The following NUP214 variants were observed in gnomAD, a reference collection of about 807,000 sequenced individuals.
The protein encoded by NUP214 is nucleoporin 214.
In NUP214, 79 loss-of-function variants were observed where a neutral mutation model predicts 196.2. The observed-to-expected ratio is 0.40, with a 90% CI of 0.34 to 0.49. The LOEUF (loss-of-function observed/expected upper bound fraction) is 0.49. NUP214 is among the 20% of genes least tolerant of loss of function. The pLI, the probability that NUP214 is intolerant of heterozygous loss-of-function variation, is 0.58. For missense variants in NUP214, 2,468 were observed against 2,539.0 expected (o/e 0.97, Z 0.60); for synonymous variants, 1,020 against 990.5 (o/e 1.03, Z -0.56).
At chr9:131,129,193 G>C in intron 3 of NUP214, 86 bp from the exon 4 acceptor site, 1 of 1,095,634 alleles carries the variant, frequency 9.1e-7, no homozygotes, top group South Asian at 1.4e-5. Context: ...GATACCTTGT[G>C]TATTCAGTAA....
intron 19 of NUP214, 109 bp from the exon 20 acceptor site, chr9:131,163,761 T>C: frequency 1.3e-6 from 1 of 751,706 alleles, no homozygotes; most frequent in Non-Finnish European, 2.3e-6. Context: ...GTTTATATAT[T>C]GGGGATATTC....
chr9:131,230,082 G>T (rs950861217), intron 33 of NUP214: 17 of 221,716 alleles, frequency 7.7e-5, no homozygotes, highest in African/African-American at 4.0e-4. Context: ...GGGCACAGGG[G>T]ATTGTCTCCA....
chr9:131,223,757 C>T (rs1439005008), intron 32 of NUP214, among the ~76,000 whole-genome samples: 4 of 3,082 alleles, frequency 1.3e-3, no homozygotes, highest in East Asian at 0.019. Flanking sequence ...TTTTTTGAGA[C>T]GGAGTCTCGC....
intron 21 of NUP214, among the ~76,000 whole-genome samples, chr9:131,166,330 A>G (rs901339455): frequency 3.9e-5 from 6 of 152,194 alleles, no homozygotes; most frequent in African/African-American, 1.4e-4. Context: ...AGCCCACATC[A>G]GATTATATAT....
chr9:131,182,149 T>C (rs112505050), intron 24 of NUP214, among the ~76,000 whole-genome samples: 6,172 of 152,358 alleles, frequency 0.041, 167 homozygotes, highest in African/African-American at 0.078. Context: ...TTAGTATCAC[T>C]GAACTACATG....
intron 30 of NUP214, among the ~76,000 whole-genome samples, chr9:131,202,386 TACACAC>T (rs139696944): frequency 1.3e-5 from 2 of 151,258 alleles, no homozygotes; most frequent in Non-Finnish European, 3.0e-5. Context: ...TATATGTGTG[TACACAC>T]ACACACACAC....
At chr9:131,184,030 T>C (rs1461592466) in intron 24 of NUP214, among the ~76,000 whole-genome samples, 23 of 136,796 alleles carry the variant, frequency 1.7e-4, no homozygotes, top group Admixed American at 7.2e-4. Flanking sequence ...CTTTTTCTTT[T>C]TTTTTTTTTT....
chr9:131,151,226 A>G (rs893298563), intron 16 of NUP214, among the ~76,000 whole-genome samples: 1 of 152,242 alleles, frequency 6.6e-6, no homozygotes, highest in East Asian at 1.9e-4. Context: ...TGTGCCAGGC[A>G]CTGTGCCAAA....
intron 24 of NUP214, 41 bp downstream of exon 24, chr9:131,178,451 C>G (rs1288001653): frequency 9.6e-6 from 14 of 1,452,246 alleles, no homozygotes; most frequent in East Asian, 4.6e-5. Context: ...CTGGCTGCTT[C>G]TGTAGTAGCG....
Position 131,187,387 on chromosome 9 carries a change from T to A in NUP214, c.3495+23T>A, listed in dbSNP as rs201472753. 1.0e-3 allele frequency: 1,420 copies of A among 1,392,516 alleles called. 9 individuals carry two copies. The African/African-American group carries it at 0.019, about 18-fold the overall frequency. 86.3% of individuals were successfully genotyped at this position (1,392,516 alleles called of 1,614,324 possible). ...CAGGTAACTTACTGATTTTTACTTT[T>A]TTTTTTTTTTTTTTTTTGAGACAGA... On this transcript the variant is annotated intron_variant, in intron 25 of 35. Coordinates refer to ENST00000359428, the MANE Select transcript of NUP214 (RefSeq NM_005085.4).
In NUP214 at chr9:131,225,969, C is replaced by A. The variant is rs117265268; in HGVS notation, c.5903-2191C>A. ...GCCCACCATGGTCAGTGGTCTACAC[C>A]CTGCTGTCTCGCTAAAGTGTTAGAT... On this transcript the variant is annotated intron_variant, in intron 32 of 35. Transcript: ENST00000359428. 1.7e-3 allele frequency among the ~76,000 whole-genome samples: 259 copies of A among 152,260 alleles called. 1 individual carries two copies. The highest frequency in any genetic ancestry group is 3.1e-3 in the Non-Finnish European group (209 of 68,014).
chr9:131,196,219 C>T (rs532018378), intron 28 of NUP214, among the ~76,000 whole-genome samples: 7 of 151,794 alleles, frequency 4.6e-5, no homozygotes, highest in African/African-American at 7.3e-5. Context: ...AGTGTAATGG[C>T]GCAATTGCAG....
Position 131,174,257 on chromosome 9 carries a change from A to T in NUP214, c.3096A>T (p.Ala1032=). ...PSIQPSLLPH[A]APFAKSHLVH... is the part of the protein sequence containing the mutation. ...TCCAGCCCAGTCTCTTGCCCCATGC[A>T]GCACCTTTTGCTAAATCTCACCTGG... Residue 1032 remains alanine (A), a synonymous_variant, in exon 22 of 36, where the codon GCA becomes GCT. Transcript: ENST00000359428. 1 of 1,613,992 alleles carries T rather than the reference A, an allele frequency of 6.2e-7. No homozygotes were observed. Among genetic ancestry groups the T allele is most frequent in the Non-Finnish European group, 8.5e-7 (1 of 1,179,974 alleles).
In NUP214 at chr9:131,128,388, T is replaced by A; in HGVS notation, c.298T>A (p.Leu100Met). ...GAAATTCCCAATCCATCACCTGGCC[T>A]TGAGCTGTGATAACCTCACACTCTC... ...PMKFPIHHLA[L>M]SCDNLTLSAC... The change falls in exon 3 of 36, where the codon TTG (leucine) becomes ATG (methionine). Residue 100 changes from leucine (L) to methionine (M), a missense_variant. By Grantham distance (15) the Leu-to-Met change is conservative. Around this residue, in one of 5 missense-constraint regions of NUP214, gnomAD observed 392 missense variants for 417.9 expected, o/e 0.94. Transcript: ENST00000359428. 6.2e-7 allele frequency: 1 copy of A among 1,613,664 alleles called. No individual in the cohort carries two copies. The highest frequency in any genetic ancestry group is 8.5e-7 in the Non-Finnish European group (1 of 1,179,614).
In NUP214 at chr9:131,204,807, C is replaced by T. The variant is rs991399074; in HGVS notation, c.5592+3090C>T. On this transcript the variant is annotated intron_variant, in intron 30 of 35. Coordinates refer to ENST00000359428, the MANE Select transcript of NUP214 (RefSeq NM_005085.4). ...ATTCAGAAGCCCAACAAGTGCCAAA[C>T]GAGAATGCATAAAAGGAAACTGATT... is the stretch of plus-strand genomic sequence containing the variant. Among the ~76,000 whole-genome samples the T allele has an allele frequency of 2.6e-5, 4 of 152,230 alleles. No individual in the cohort carries two copies. In the East Asian group the frequency reaches 5.8e-4, roughly 22 times the overall value.
rs1379744363 is a variant in NUP214, at chr9:131,132,578, C to T, written c.664-18C>T. The stretch of plus-strand genomic sequence containing the variant: ...TGTTTCATTTGATACTTTATTTTCC[C>T]CTCCAAATCTCTTTCAGACTTTGCA... On this transcript the variant is annotated intron_variant, in intron 5 of 35. Transcript: ENST00000359428. 1.9e-6 allele frequency: 3 copies of T among 1,608,332 alleles called. No individual in the cohort carries two copies. The highest frequency in any genetic ancestry group is 1.7e-5 in the Admixed American group (1 of 59,944).
chr9:131,233,852 A>G lies in NUP214; in HGVS notation c.*365A>G. 2.5e-6 allele frequency: 1 copy of G among 405,102 alleles called. No individual in the cohort carries two copies. Among genetic ancestry groups the G allele is most frequent in the South Asian group, 2.4e-5 (1 of 40,828 alleles). 25.1% of individuals were successfully genotyped at this position (405,102 alleles called of 1,614,324 possible). On this transcript the variant is annotated 3_prime_UTR_variant, in exon 36 of 36. Transcript: ENST00000359428. ...CCAGCGTCGGGTGTTGATAAACAGCATCGAATGTGCCGTGGTCTCACTTGG... is the reference window on the plus strand; with the variant it reads ...CCAGCGTCGGGTGTTGATAAACAGCGTCGAATGTGCCGTGGTCTCACTTGG...
chr9:131,136,808 G>A (rs1831741392), intron 9 of NUP214: 1 of 152,232 alleles, frequency 6.6e-6, no homozygotes, highest in Admixed American at 6.5e-5. Context: ...TCCACTTGTA[G>A]ATTTTGCAGA....
Position 131,174,173 on chromosome 9 carries a change from A to G in NUP214, c.3012A>G (p.Lys1004=). 2 of 1,613,890 alleles carry G rather than the reference A, an allele frequency of 1.2e-6. No homozygotes were observed. The highest frequency in any genetic ancestry group is 1.7e-6 in the Non-Finnish European group (2 of 1,179,950). ...LESEDARTSC[K]DDEAVVQAPR... is the part of the protein sequence containing the mutation. ...GTGAAGATGCACGGACGTCCTGTAA[A>G]GATGACGAGGCAGTGGTTCAGGCCC... The change falls in exon 22 of 36, where the codon AAA becomes AAG. Residue 1004 remains lysine, a synonymous_variant. Transcript: ENST00000359428.
Sources: allele counts gnomAD v4.1 joint callset (sites outside exome capture counted in the v4.1 genomes callset), GRCh38; gene constraint gnomAD v4.1.1; regional missense constraint gnomAD v4.1.1; transcripts MANE v1.5; gene names NCBI Gene and HGNC (gene_info 2026-07-23, HGNC 2026-07-21).